Variants in NR6A1 observed in about 807,000 individuals in gnomAD.
The protein encoded by NR6A1 is retinoic acid receptor-related testis-associated receptor.
A neutral mutation model predicts 59.1 loss-of-function variants in NR6A1; 7 were observed. The observed-to-expected ratio is 0.12, with a 90% CI of 0.07 to 0.22. NR6A1 has a LOEUF of 0.22. Among genes scored for constraint, NR6A1 ranks in the 10% least tolerant of loss-of-function variants. NR6A1 has a pLI of 1.00. For missense variants in NR6A1, 468 were observed against 611.6 expected (o/e 0.77, Z 2.48); for synonymous variants, 243 against 236.1 (o/e 1.03, Z -0.27).
intron 2 of NR6A1, among the ~76,000 whole-genome samples, chr9:124,560,515 T>A (rs1158194537): frequency 6.6e-6 from 1 of 152,186 alleles, no homozygotes; most frequent in Admixed American, 6.5e-5. Flanking sequence ...CTTTCTCTAA[T>A]CTGACTTAAC....
chr9:124,744,603 A>C (rs1840271677), intron 1 of NR6A1, among the ~76,000 whole-genome samples: 1 of 152,240 alleles, frequency 6.6e-6, no homozygotes, highest in Non-Finnish European at 1.5e-5. Context: ...CCATAACAGC[A>C]GGACCTCAAC....
chr9:124,644,348 T>C (rs1009077451), intron 2 of NR6A1, among the ~76,000 whole-genome samples: 1 of 146,008 alleles, frequency 6.8e-6, no homozygotes, highest in African/African-American at 2.6e-5. Flanking sequence ...GTCTCCTGGG[T>C]TCAAGCAATT....
At chr9:124,567,981 C>G (rs558622154) in intron 2 of NR6A1, among the ~76,000 whole-genome samples, 1 of 149,584 alleles carries the variant, frequency 6.7e-6, no homozygotes, top group African/African-American at 2.5e-5. Flanking sequence ...TGAGACCATC[C>G]TGGCTAACAT....
intron 6 of NR6A1, 131 bp downstream of exon 6, chr9:124,537,961 C>A (rs1177554274): frequency 1.5e-6 from 1 of 668,112 alleles, no homozygotes; most frequent in Non-Finnish European, 2.6e-6. Context: ...ACAGATTTGT[C>A]CCCTGACACT....
chr9:124,608,858 T>C (rs190402530), intron 2 of NR6A1, among the ~76,000 whole-genome samples: 5 of 152,368 alleles, frequency 3.3e-5, no homozygotes, highest in African/African-American at 7.2e-5. Context: ...AGATGGTATC[T>C]CATTATGGAT....
At position 124,521,088 on chromosome 9, in the gene NR6A1, A is replaced by G. The variant is rs1033427939; in HGVS notation, c.*1617T>C. ...CAGCCTTTGACTAAATAGGCAGAAG[A>G]AGGTGCCGTGGGCCCTTCCAACCTA... On this transcript the variant is annotated 3_prime_UTR_variant, in exon 10 of 10. Coordinates refer to ENST00000487099, the MANE Select transcript of NR6A1 (RefSeq NM_033334.4). The G allele has an allele frequency of 6.6e-6, 1 of 152,260 alleles. No individual in the cohort carries two copies. The highest frequency in any genetic ancestry group is 1.5e-5 in the Non-Finnish European group (1 of 68,052). 9.4% of individuals were successfully genotyped at this position (152,260 alleles called of 1,614,324 possible).
chr9:124,527,333 G>A (rs1588637460), intron 7 of NR6A1, among the ~76,000 whole-genome samples: 1 of 152,286 alleles, frequency 6.6e-6, no homozygotes, highest in African/African-American at 2.4e-5. Context: ...CAGCTGCCAT[G>A]GTGACTCTAT....
chr9:124,666,959 T>C (rs1467643186), intron 2 of NR6A1, among the ~76,000 whole-genome samples: 5 of 152,284 alleles, frequency 3.3e-5, no homozygotes, highest in Middle Eastern at 3.4e-3. Context: ...GTGTCTAGCA[T>C]AGCACCTAGA....
chr9:124,730,872 T>C (rs1839864111), intron 2 of NR6A1, among the ~76,000 whole-genome samples: 1 of 152,200 alleles, frequency 6.6e-6, no homozygotes, highest in Non-Finnish European at 1.5e-5. Context: ...TTTCAAATAT[T>C]TCCTAACACA....
chr9:124,636,287 G>A (rs1207485482), intron 2 of NR6A1, among the ~76,000 whole-genome samples: 1 of 152,008 alleles, frequency 6.6e-6, no homozygotes, highest in Non-Finnish European at 1.5e-5. Flanking sequence ...GAGTTTTAAA[G>A]GTTCTTTAGA....
Position 124,771,023 on chromosome 9 carries a change from T to A in NR6A1, c.97A>T (p.Asn33Tyr). The change falls in exon 1 of 10, where the codon AAC (asparagine) becomes TAC (tyrosine). Residue 33 changes from asparagine (N) to tyrosine (Y), a missense_variant. Coordinates refer to ENST00000487099, the MANE Select transcript of NR6A1 (RefSeq NM_033334.4). The stretch of plus-strand genomic sequence containing the variant: ...GCGTCGCAGGCCCCTCACCCACCGT[T>A]GCGCGGCGGCGGAGGGAGCGCGGCG... ...PPAALPPPPR[N>Y]GFCQDELAEL... 1 of 1,228,962 alleles carries A rather than the reference T, an allele frequency of 8.1e-7. No individual in the cohort carries two copies. Among genetic ancestry groups the A allele is most frequent in the Non-Finnish European group, 1.0e-6 (1 of 985,872 alleles). 76.1% of individuals were successfully genotyped at this position (1,228,962 alleles called of 1,614,324 possible).
chr9:124,766,362 CAA>C (rs995666833), intron 1 of NR6A1, among the ~76,000 whole-genome samples: 3 of 152,202 alleles, frequency 2.0e-5, no homozygotes, highest in African/African-American at 7.2e-5. Context: ...CAAAGTATTA[CAA>C]AGAGTTGGGT....
chr9:124,610,430 TTGCATCCTGGGGATGAAGCCAAAG>T (rs1835705390), intron 2 of NR6A1, among the ~76,000 whole-genome samples: 1 of 152,216 alleles, frequency 6.6e-6, no homozygotes, highest in Non-Finnish European at 1.5e-5. Flanking sequence ...TAAACTAGCC[TTGCATCCTGGGGATGAAGCCAAAG>T]TGCTCGTGAT....
intron 3 of NR6A1, among the ~76,000 whole-genome samples, chr9:124,546,687 G>A (rs1833612162): frequency 6.6e-6 from 1 of 152,132 alleles, no homozygotes; most frequent in African/African-American, 2.4e-5. Flanking sequence ...ATAAACAGCA[G>A]TACCCATTTA....
intron 2 of NR6A1, among the ~76,000 whole-genome samples, chr9:124,558,458 T>A (rs1435175747): frequency 6.6e-6 from 1 of 151,896 alleles, no homozygotes; most frequent in Non-Finnish European, 1.5e-5. Flanking sequence ...AAAGAAAGGC[T>A]CTCTCCAGAT....
At chr9:124,698,311 C>A (rs983554203) in intron 2 of NR6A1, 10 of 152,038 alleles carry the variant, frequency 6.6e-5, no homozygotes, top group African/African-American at 2.4e-4. Flanking sequence ...ACAAAGATTT[C>A]TTTTAGATGC....
chr9:124,618,302 T>G (rs1018380137), intron 2 of NR6A1, among the ~76,000 whole-genome samples: 25 of 152,066 alleles, frequency 1.6e-4, no homozygotes, highest in Admixed American at 2.6e-4. Flanking sequence ...GACAACATAA[T>G]GAAACCCCAT....
intron 3 of NR6A1, among the ~76,000 whole-genome samples, chr9:124,544,623 C>T (rs542905829): frequency 2.6e-4 from 40 of 152,174 alleles, no homozygotes; most frequent in Middle Eastern, 3.4e-3. Context: ...CCAGGTTGAG[C>T]GAACAGTGTA....
chr9:124,581,096 A>C (rs1834751379), intron 2 of NR6A1, among the ~76,000 whole-genome samples: 2 of 152,214 alleles, frequency 1.3e-5, no homozygotes, highest in Admixed American at 6.5e-5. Flanking sequence ...CTTATACCAT[A>C]TACAAAAATC....
Sources: allele counts gnomAD v4.1 joint callset (sites outside exome capture counted in the v4.1 genomes callset), GRCh38; gene constraint gnomAD v4.1.1; transcripts MANE v1.5; gene names NCBI Gene and HGNC (gene_info 2026-07-23, HGNC 2026-07-21).